Variants in TBX3 observed in about 807,000 individuals in gnomAD.
TBX3 encodes T-box transcription factor 3, also known as T-box transcription factor TBX3.
A neutral mutation model predicts 47.8 loss-of-function variants in TBX3; 11 were observed. The ratio of observed to expected loss-of-function variants is 0.23; its 90% CI spans 0.14 to 0.38. The LOEUF (loss-of-function observed/expected upper bound fraction) is 0.38. TBX3 is among the 10% of genes least tolerant of loss of function. The pLI, the probability that TBX3 is intolerant of heterozygous loss-of-function variation, is 1.00. For synonymous variants in TBX3, 500 were observed against 449.3 expected (o/e 1.11, Z -1.43); for missense variants, 927 against 1,022.8 (o/e 0.91, Z 1.28).
chr12:114,680,694 A>T, intron 2 of TBX3, 185 bp downstream of exon 2: 1 of 859,120 alleles, frequency 1.2e-6, no homozygotes, highest in Non-Finnish European at 1.9e-6. Flanking sequence ...CATTTCTTTT[A>T]GAACGCCAGG....
chr12:114,681,690 C>G (rs1464558792), intron 1 of TBX3, among the ~76,000 whole-genome samples: 1 of 152,178 alleles, frequency 6.6e-6, no homozygotes, highest in Non-Finnish European at 1.5e-5. Context: ...AGTGAGTTCC[C>G]AGAACGAATT....
At chr12:114,681,191 C>G in intron 1 of TBX3, 45 bp from the exon 2 acceptor site, 2 of 1,609,806 alleles carry the variant, frequency 1.2e-6, no homozygotes, top group Non-Finnish European at 1.7e-6. Flanking sequence ...ATAAACCACC[C>G]GTAATCTTGG....
At chr12:114,680,104 A>C in intron 2 of TBX3, 6 of 905,162 alleles carry the variant, frequency 6.6e-6, no homozygotes, top group Non-Finnish European at 1.1e-5. Context: ...TTTATGCCTT[A>C]ATCAAATCAA....
intron 3 of TBX3, among the ~76,000 whole-genome samples, chr12:114,678,020 TCACACACACACACA>T (rs3068592): frequency 9.0e-5 from 13 of 144,252 alleles, no homozygotes; most frequent in Non-Finnish European, 1.5e-4. Flanking sequence ...CATACTCCCT[TCACACACACACACA>T]CACACACACA....
chr12:114,672,890 G>T (rs993781544), intron 6 of TBX3, among the ~76,000 whole-genome samples: 14 of 152,220 alleles, frequency 9.2e-5, no homozygotes, highest in African/African-American at 2.9e-4. Flanking sequence ...TTAAGCAAAA[G>T]GAAACTGGGG....
At chr12:114,678,951 T>C (rs543917825) in intron 3 of TBX3, among the ~76,000 whole-genome samples, 1 of 151,934 alleles carries the variant, frequency 6.6e-6, no homozygotes, top group South Asian at 2.1e-4. Context: ...GTGATCAGGG[T>C]AGGTTTTTCC....
intron 1 of TBX3, among the ~76,000 whole-genome samples, chr12:114,682,595 C>T (rs1449495249): frequency 6.6e-6 from 1 of 151,968 alleles, no homozygotes; most frequent in African/African-American, 2.4e-5. Context: ...GGAGGGAACC[C>T]AGGATGCAGA....
rs1160330259 is a variant in TBX3 at position 114,679,582 on chromosome 12, G to T, written c.727C>A (p.Leu243Ile). Residue 243 changes from leucine to isoleucine, a missense_variant, in exon 3 of 7, where the codon CTC (leucine) becomes ATC (isoleucine). Leu to Ile is a conservative substitution (Grantham distance 5). Around this residue, in one of 5 missense-constraint regions of TBX3, gnomAD observed 38 missense variants for 77.7 expected, o/e 0.49. Coordinates refer to ENST00000349155, the MANE Select transcript of TBX3 (RefSeq NM_005996.4). Reference protein sequence around the residue: ...HIVRANDILKLPYSTFRTYLF... With the variant: ...HIVRANDILKIPYSTFRTYLF... ...TATGTCCGAAATGTACTATAAGGGA[G>T]TTTCAAGATGTCATTGGCTCTTACA... The T allele has an allele frequency of 1.9e-6, 3 of 1,614,210 alleles. No individual in the cohort carries two copies. The South Asian group carries it at 3.3e-5, about 18-fold the overall frequency.
At chr12:114,674,863 G>A (rs1296971461) in intron 5 of TBX3, 28 bp from the exon 6 acceptor site, 2 of 1,550,306 alleles carry the variant, frequency 1.3e-6, no homozygotes, top group South Asian at 2.4e-5. Flanking sequence ...AAAAACCAAG[G>A]CAGAAGGGCG....
chr12:114,683,305 G>A lies in TBX3; in HGVS notation c.-105C>T. 1.4e-6 allele frequency: 2 copies of A among 1,464,622 alleles called. No individual in the cohort carries two copies. Among genetic ancestry groups the A allele is most frequent in the Non-Finnish European group, 9.3e-7 (1 of 1,078,982 alleles). 90.7% of individuals were successfully genotyped at this position (1,464,622 alleles called of 1,614,324 possible). On this transcript the variant is annotated 5_prime_UTR_variant, in exon 1 of 7. Coordinates refer to ENST00000349155, the MANE Select transcript of TBX3 (RefSeq NM_005996.4). This position sits in a 1 kb window ranked among gnomAD's most constrained non-coding sequence, Gnocchi z 7.7. ...AACAGCAGCACATAATTCAAAAGGG[G>A]GGAAAAAGCAAAACAAAAAAGAAAG...
rs1366564828 is a variant in TBX3 at position 114,670,536 on chromosome 12, A to G, written c.*1305T>C. The stretch of plus-strand genomic sequence containing the variant: ...TAACAAAAGAAAAATTAAAAAGTCA[A>G]ACCGCAGCCTCTGCCCTCCTCCCTC... On this transcript the variant is annotated 3_prime_UTR_variant, in exon 7 of 7. Transcript: ENST00000349155. 4.4e-6 allele frequency: 1 copy of G among 226,570 alleles called. No individual in the cohort carries two copies. Among genetic ancestry groups the G allele is most frequent in the African/African-American group, 2.2e-5 (1 of 45,064 alleles). 14.0% of individuals were successfully genotyped at this position (226,570 alleles called of 1,614,324 possible). A position where few individuals can be genotyped will look rare whatever the true frequency, so the allele number is the denominator to read the frequency against.
rs374345637 is a variant in TBX3, at chr12:114,681,306, G to A, written c.390-160C>T. Among the ~76,000 whole-genome samples the A allele has an allele frequency of 1.5e-4, 23 of 152,258 alleles. No individual in the cohort carries two copies. In the East Asian group the frequency reaches 2.7e-3, roughly 18 times the overall value. On this transcript the variant is annotated intron_variant, in intron 1 of 6. Transcript: ENST00000349155. Reference sequence around the variant, plus strand: ...GAGTGAGGCAACTGGTTGCAAAATCGTTTTCTTCCACAACTAACGTATTAA... The same window carrying A: ...GAGTGAGGCAACTGGTTGCAAAATCATTTTCTTCCACAACTAACGTATTAA...
In TBX3 at chr12:114,672,446, T is replaced by TG. The variant is rs1565858485; in HGVS notation, c.1711-145_1711-144insC. The TG allele has an allele frequency of 1.6e-3, 632 of 387,046 alleles. 5 individuals carry two copies. In the African/African-American group the frequency reaches 0.019, roughly 12 times the overall value. The allele number at this position is 387,046 out of a possible 1,614,324, so 24.0% of individuals were successfully genotyped here. ...TGTTGTTGTTGTTGTGTTTTTTTTT[T>TG]TGGGGGGGGAGATAGGTGGGGGCAG... On this transcript the variant is annotated intron_variant, in intron 6 of 6. Coordinates refer to ENST00000349155, the MANE Select transcript of TBX3 (RefSeq NM_005996.4).
Position 114,674,761 on chromosome 12 carries a change from C to A in TBX3, c.1114G>T (p.Ala372Ser), listed in dbSNP as rs1258048861. Residue 372 changes from alanine (A) to serine (S), a missense_variant, in exon 6 of 7, where the codon GCG becomes TCG. By Grantham distance (99) the Ala-to-Ser change is moderately conservative (BLOSUM62 1). Around this residue, in one of 5 missense-constraint regions of TBX3, gnomAD observed 623 missense variants for 569.0 expected, o/e 1.09. Coordinates refer to ENST00000349155, the MANE Select transcript of TBX3 (RefSeq NM_005996.4). ...KEEHGPEACD[A>S]AKISTTTSEE... is the part of the protein sequence containing the mutation. ...GACGTGGTGGTGGAGATCTTGGCCG[C>A]GTCGCAGGCCTCGGGGCCATGCTCC... 6.3e-7 allele frequency: 1 copy of A among 1,589,942 alleles called. No individual in the cohort carries two copies. Among genetic ancestry groups the A allele is most frequent in the South Asian group, 1.1e-5 (1 of 88,436 alleles).
rs1436508750 is a variant in TBX3 at position 114,674,336 on chromosome 12, G to A, written c.1539C>T (p.Ser513=). The A allele has an allele frequency of 6.4e-7, 1 of 1,562,262 alleles. No individual in the cohort carries two copies. Among genetic ancestry groups the A allele is most frequent in the African/African-American group, 1.4e-5 (1 of 73,764 alleles). ...GGGGACCCATGCCAGCGGCCGCCAT[G>A]CTGGAGAAGGCGCCCCCCATGGCAA... ...SQFAMGGAFS[S]MAAAGMGPLL... Residue 513 remains serine (S), a synonymous_variant, in exon 6 of 7, where the codon AGC becomes AGT. Transcript: ENST00000349155.
chr12:114,672,025 G>A lies in TBX3; in HGVS notation c.1988C>T (p.Ser663Leu). 2.5e-6 allele frequency: 4 copies of A among 1,590,894 alleles called. No homozygotes were observed. The highest frequency in any genetic ancestry group is 3.4e-6 in the Non-Finnish European group (4 of 1,169,016). Reference protein sequence around the residue: ...KVAALAASPASVAVDSGSELN... With the variant: ...KVAALAASPALVAVDSGSELN... ...TTCAGAGCCCGAGTCCACTGCCACC[G>A]AGGCCGGGCTGGCGGCCAGGGCGGC... is the stretch of plus-strand genomic sequence containing the variant. The change falls in exon 7 of 7, where the codon TCG becomes TTG. Residue 663 changes from serine to leucine, a missense_variant. By Grantham distance (145) the Ser-to-Leu change is moderately radical. Coordinates refer to ENST00000349155, the MANE Select transcript of TBX3 (RefSeq NM_005996.4).
rs911968479 is a variant in TBX3 at position 114,680,885 on chromosome 12, A to G, written c.651T>C (p.His217=). ...LKLTNNISDK[H]GFTILNSMHK... ...AGAGAGCAATGAAACTTACAAATCC[A>G]TGTTTGTCTGAAATGTTGTTGGTGA... The change falls in exon 2 of 7, where the codon CAT becomes CAC. Residue 217 remains histidine (H), a synonymous_variant. Transcript: ENST00000349155. The G allele has an allele frequency of 6.2e-7, 1 of 1,614,054 alleles. No individual in the cohort carries two copies. The highest frequency in any genetic ancestry group is 1.3e-5 in the African/African-American group (1 of 74,922).
chr12:114,682,845 C>T lies in TBX3; in HGVS notation c.356G>A (p.Arg119Gln), dbSNP rs1868998135. 2 of 1,614,154 alleles carry T rather than the reference C, an allele frequency of 1.2e-6. No homozygotes were observed. The highest frequency in any genetic ancestry group is 1.7e-6 in the Non-Finnish European group (2 of 1,180,022). ...AKELWDQFHK[R>Q]GTEMVITKSG... ...CTTGGTAATGACCATCTCGGTGCCC[C>T]GCTTGTGAAACTGATCCCAAAGTTC... is the stretch of plus-strand genomic sequence containing the variant. Residue 119 changes from arginine (R) to glutamine (Q), a missense_variant, in exon 1 of 7, where the codon CGG (arginine) becomes CAG (glutamine). Coordinates refer to ENST00000349155, the MANE Select transcript of TBX3 (RefSeq NM_005996.4).
rs1180900873 is a variant in TBX3, at chr12:114,671,986, G to A, written c.2027C>T (p.Ser676Phe). Residue 676 changes from serine (S) to phenylalanine (F), a missense_variant, in exon 7 of 7, where the codon TCC becomes TTC. Ser to Phe is a radical substitution (Grantham distance 155). Around this residue, in one of 5 missense-constraint regions of TBX3, gnomAD observed 623 missense variants for 569.0 expected, o/e 1.09. Transcript: ENST00000349155. ...VDSGSELNSR[S>F]STLSSSSMSL... Reference sequence around the variant, plus strand: ...CATGGAGCTGGAGGAGAGCGTGGAGGAGCGGCTGTTGAGTTCAGAGCCCGA... The same window carrying A: ...CATGGAGCTGGAGGAGAGCGTGGAGAAGCGGCTGTTGAGTTCAGAGCCCGA... 1.9e-6 allele frequency: 3 copies of A among 1,601,288 alleles called. No homozygotes were observed. Among genetic ancestry groups the A allele is most frequent in the Admixed American group, 1.7e-5 (1 of 58,488 alleles).
Sources: gnomAD v4.1 joint callset for allele counts (sites outside exome capture counted in the v4.1 genomes callset) on GRCh38, gnomAD v4.1.1 for gene constraint, gnomAD v4.1.1 regional missense constraint, Gnocchi (gnomAD v3.1) non-coding constraint, MANE v1.5 for transcripts, NCBI Gene and HGNC (gene_info 2026-07-23, HGNC 2026-07-21) for gene names.